The following GPALPP1 variants were observed in gnomAD, a reference collection of about 807,000 sequenced individuals.
The protein encoded by GPALPP1 is GPALPP motifs-containing protein 1.
In GPALPP1, 30 loss-of-function variants were observed where a neutral mutation model predicts 38.9. That is an observed-to-expected ratio of 0.77 (90% CI 0.58 to 1.05). The LOEUF (loss-of-function observed/expected upper bound fraction) is 1.05. GPALPP1 is among the 50% of genes least tolerant of loss of function. The probability of loss-of-function intolerance (pLI) is 0.00; values close to 1 mark genes in which losing one functional copy is unlikely to be tolerated. For missense variants in GPALPP1, 384 were observed against 408.8 expected (o/e 0.94, Z 0.52); for synonymous variants, 120 against 139.2 (o/e 0.86, Z 0.97).
At chr13:45,014,767 CTG>C (rs1180536135) in intron 4 of GPALPP1, among the ~76,000 whole-genome samples, 183 bp from the exon 5 acceptor site, 8 of 152,306 alleles carry the variant, frequency 5.3e-5, no homozygotes, top group African/African-American at 1.9e-4. Flanking sequence ...TTTGTCATCT[CTG>C]TGCTAGGCAC....
At chr13:45,037,644 A>T (rs1344593862) in exon 8 of GPALPP1, 1 of 152,254 alleles carries the variant, frequency 6.6e-6, no homozygotes, top group African/African-American at 2.4e-5. Context: ...GTCAAATGAC[A>T]GTTTATCAAT....
intron 7 of GPALPP1, among the ~76,000 whole-genome samples, chr13:45,022,049 G>A (rs575494490): frequency 6.6e-6 from 1 of 152,276 alleles, no homozygotes; most frequent in Admixed American, 6.5e-5. Flanking sequence ...AATACTGTAA[G>A]CAGCTCAAAT....
intron 1 of GPALPP1, among the ~76,000 whole-genome samples, chr13:44,994,447 T>C (rs909342090): frequency 1.4e-4 from 22 of 151,852 alleles, no homozygotes; most frequent in Admixed American, 9.8e-4. Context: ...CCAGGTGTGG[T>C]GGTGCATGCC....
intron 1 of GPALPP1, 118 bp downstream of exon 1, chr13:44,989,860 C>G (rs1872653294): frequency 2.8e-6 from 2 of 720,496 alleles, no homozygotes; most frequent in Non-Finnish European, 4.6e-6. Context: ...TGGGCGCGGC[C>G]TGACCCGAGA....
intron 1 of GPALPP1, among the ~76,000 whole-genome samples, chr13:44,996,784 CTT>C (rs770919969): frequency 3.7e-5 from 3 of 80,400 alleles, no homozygotes; most frequent in African/African-American, 1.8e-4. Flanking sequence ...TGCCCAGCCT[CTT>C]TTTTTTTTTT....
chr13:45,008,953 C>G, intron 4 of GPALPP1, 74 bp downstream of exon 4: 1 of 870,804 alleles, frequency 1.1e-6, no homozygotes, highest in Non-Finnish European at 1.9e-6. Context: ...GTAACAAACT[C>G]CAAACTTTAT....
intron 6 of GPALPP1, 25 bp from the exon 7 acceptor site, chr13:45,020,305 T>C (rs1808889389): frequency 1.2e-6 from 1 of 829,350 alleles, no homozygotes; most frequent in Non-Finnish European, 2.1e-6. Context: ...GATTCAGTAA[T>C]GTGTTATCTG....
At chr13:45,005,081 G>GTTTTT (rs1458040732) in intron 2 of GPALPP1, 1 of 111,818 alleles carries the variant, frequency 8.9e-6, no homozygotes, top group African/African-American at 3.6e-5. Flanking sequence ...TAAACTAATG[G>GTTTTT]TTTTCTTTTT....
chr13:45,009,134 C>T, intron 4 of GPALPP1: 1 of 520,232 alleles, frequency 1.9e-6, no homozygotes, highest in Admixed American at 2.8e-5. Context: ...TACTTCTTAT[C>T]TTTGAAGGGG....
At chr13:44,991,855 C>T (rs1265376847) in intron 1 of GPALPP1, among the ~76,000 whole-genome samples, 2 of 152,206 alleles carry the variant, frequency 1.3e-5, no homozygotes, top group Admixed American at 6.5e-5. Flanking sequence ...TACTACATTA[C>T]TTTGTGAGAT....
intron 1 of GPALPP1, among the ~76,000 whole-genome samples, chr13:44,998,977 T>C (rs1056750931): frequency 6.6e-6 from 1 of 152,198 alleles, no homozygotes; most frequent in African/African-American, 2.4e-5. Flanking sequence ...GAGGGACAAC[T>C]GTACTTTTGA....
At chr13:45,006,127 TA>T (rs1291720339) in intron 2 of GPALPP1, 74 bp from the exon 3 acceptor site, 14 of 770,214 alleles carry the variant, frequency 1.8e-5, no homozygotes, top group South Asian at 3.7e-5. Context: ...AATGCTTTTT[TA>T]AAAAAAATTA....
chr13:45,000,255 AAAAT>A (rs1873575172), intron 1 of GPALPP1, among the ~76,000 whole-genome samples: 2 of 152,136 alleles, frequency 1.3e-5, no homozygotes, highest in East Asian at 1.9e-4. Flanking sequence ...TGGTCTCAAA[AAAAT>A]AAATAAAATA....
chr13:45,021,245 C>T (rs954307716), intron 7 of GPALPP1, among the ~76,000 whole-genome samples: 39 of 152,124 alleles, frequency 2.6e-4, no homozygotes, highest in African/African-American at 8.9e-4. Context: ...TTTTCTGTTC[C>T]CAGTGTATTA....
intron 2 of GPALPP1, among the ~76,000 whole-genome samples, chr13:45,005,471 T>C (rs1456132351): frequency 6.6e-6 from 1 of 152,108 alleles, no homozygotes; most frequent in African/African-American, 2.4e-5. Flanking sequence ...CTTTGTTTAT[T>C]ATTGAGTAAC....
At chr13:44,993,220 A>G (rs1052626944) in intron 1 of GPALPP1, among the ~76,000 whole-genome samples, 6 of 152,206 alleles carry the variant, frequency 3.9e-5, no homozygotes, top group African/African-American at 1.2e-4. Context: ...GTTGCTATGT[A>G]TGCTATTGTG....
In GPALPP1 at chr13:44,999,184, A is replaced by T. The variant is rs7989937; in HGVS notation, c.89-5121A>T. On this transcript the variant is annotated intron_variant, in intron 1 of 7. Coordinates refer to ENST00000379151, the MANE Select transcript of GPALPP1 (RefSeq NM_018559.5). Reference sequence around the variant, plus strand: ...TCATTTCATCGGAGTTCAAGTTAGCATTCCTAGTCATCAGAATCAGTTGTG... The same window carrying T: ...TCATTTCATCGGAGTTCAAGTTAGCTTTCCTAGTCATCAGAATCAGTTGTG... 1.0e-3 allele frequency among the ~76,000 whole-genome samples: 154 copies of T among 152,332 alleles called. 1 individual carries two copies. Among genetic ancestry groups the T allele is most frequent in the Non-Finnish European group, 1.5e-3 (99 of 68,042 alleles).
At position 45,020,397 on chromosome 13, in the gene GPALPP1, A is replaced by G; in HGVS notation, c.773A>G (p.Lys258Arg). 6.7e-7 allele frequency: 1 copy of G among 1,502,144 alleles called. No homozygotes were observed. The highest frequency in any genetic ancestry group is 9.3e-7 in the Non-Finnish European group (1 of 1,078,808). The allele number at this position is 1,502,144 out of a possible 1,614,324, so 93.1% of individuals were successfully genotyped here. A position where few individuals can be genotyped will look rare whatever the true frequency, so the allele number is the denominator to read the frequency against. ...DEEHILSGRD[K>R]RLAEQVSSYN... is the part of the protein sequence containing the mutation. The stretch of plus-strand genomic sequence containing the variant: ...GAACATATATTATCAGGAAGAGATA[A>G]GAGACTGGCTGAGCAGGTATCTTCA... Residue 258 changes from lysine (K) to arginine (R), a missense_variant, in exon 7 of 8, where the codon AAG becomes AGG. Transcript: ENST00000379151.
chr13:45,019,006 TAA>T (rs1566081884), intron 6 of GPALPP1, among the ~76,000 whole-genome samples: 106 of 74,786 alleles, frequency 1.4e-3, no homozygotes, highest in Non-Finnish European at 3.0e-3. Context: ...TATATACATA[TAA>T]ATATATATAC....
Sources: allele counts gnomAD v4.1 joint callset (sites outside exome capture counted in the v4.1 genomes callset), GRCh38; gene constraint gnomAD v4.1.1; transcripts MANE v1.5; gene names NCBI Gene and HGNC (gene_info 2026-07-23, HGNC 2026-07-21).